The following PTPRM variants were observed in gnomAD, a reference collection of about 807,000 sequenced individuals.
PTPRM encodes the protein receptor-type tyrosine-protein phosphatase mu.
A neutral mutation model predicts 186.7 loss-of-function variants in PTPRM; 47 were observed. The ratio of observed to expected loss-of-function variants is 0.25; its 90% CI spans 0.20 to 0.32. The LOEUF (loss-of-function observed/expected upper bound fraction) is 0.32. Among genes scored for constraint, PTPRM ranks in the 10% least tolerant of loss-of-function variants. The pLI is 1.00. For missense variants in PTPRM, 1,494 were observed against 1,865.0 expected (o/e 0.80, Z 3.66); for synonymous variants, 668 against 674.9 (o/e 0.99, Z 0.16).
rs547706492 is a variant in PTPRM at position 8,085,885 on chromosome 18, C to T, written c.1753+13C>T. 2.2e-5 allele frequency: 36 copies of T among 1,605,296 alleles called. No individual in the cohort carries two copies. The East Asian group carries it at 2.7e-4, about 12-fold the overall frequency. ...ACCAAAATATCAGGTACTCTACATT[C>T]GTGAGTTGTGTCTTTTATCAGAAGT... On this transcript the variant is annotated intron_variant, in intron 10 of 32. Transcript: ENST00000580170.
intron 1 of PTPRM, among the ~76,000 whole-genome samples, chr18:7,714,082 C>T (rs1169798013): frequency 1.3e-5 from 2 of 152,158 alleles, no homozygotes; most frequent in African/African-American, 4.8e-5. Flanking sequence ...TTCTCAGCAC[C>T]ACGTTGCACT....
chr18:7,758,817 C>G (rs1419703874), intron 1 of PTPRM, among the ~76,000 whole-genome samples: 2 of 152,148 alleles, frequency 1.3e-5, no homozygotes, highest in Non-Finnish European at 2.9e-5. Context: ...TTGGTTTTTA[C>G]TCACTCCCAA....
intron 8 of PTPRM, among the ~76,000 whole-genome samples, chr18:8,075,985 T>C (rs1163891633): frequency 6.6e-6 from 1 of 152,170 alleles, no homozygotes; most frequent in Non-Finnish European, 1.5e-5. Flanking sequence ...TTGTGAACAT[T>C]TTTGTATATG....
At chr18:8,247,942 C>T in intron 16 of PTPRM, 23 bp downstream of exon 16, 1 of 1,528,456 alleles carries the variant, frequency 6.5e-7, no homozygotes, top group Non-Finnish European at 9.1e-7. Flanking sequence ...TCCATTGTCT[C>T]CTCTCTGCTC....
chr18:7,948,130 T>TACACACACACACAC lies in PTPRM; in HGVS notation c.664-1017_664-1004dup, dbSNP rs57918724. On this transcript the variant is annotated intron_variant, in intron 5 of 32. Transcript: ENST00000580170. Reference sequence around the variant, plus strand: ...GATAGCCTCTTTCCTGATTATAAAATACACACACACACACACACACACACA... The same window carrying TACACACACACACAC: ...GATAGCCTCTTTCCTGATTATAAAATACACACACACACACACACACACACACACACACACACACA... Among the ~76,000 whole-genome samples, 32 of 137,898 alleles carry TACACACACACACAC rather than the reference T, an allele frequency of 2.3e-4. 1 individual carries two copies. The highest frequency in any genetic ancestry group is 4.0e-4 in the Non-Finnish European group (26 of 64,330). 90.5% of individuals were successfully genotyped at this position (137,898 alleles called of 152,430 possible). A position where few individuals can be genotyped will look rare whatever the true frequency, so the allele number is the denominator to read the frequency against.
chr18:8,368,067 A>G (rs2095642859), intron 23 of PTPRM, among the ~76,000 whole-genome samples: 1 of 152,098 alleles, frequency 6.6e-6, no homozygotes, highest in Non-Finnish European at 1.5e-5. Flanking sequence ...TTATTCATCA[A>G]TAATTATTTT....
At chr18:7,769,988 G>T (rs977228852) in intron 1 of PTPRM, among the ~76,000 whole-genome samples, 1 of 152,204 alleles carries the variant, frequency 6.6e-6, no homozygotes, top group Non-Finnish European at 1.5e-5. Flanking sequence ...CTTGGGTTTA[G>T]TCGTGATTTA....
At chr18:7,661,496 C>A (rs2144387041) in intron 1 of PTPRM, among the ~76,000 whole-genome samples, 1 of 152,250 alleles carries the variant, frequency 6.6e-6, no homozygotes, top group South Asian at 2.1e-4. Context: ...AATGAATGTG[C>A]CAAGAAGAGG....
intron 2 of PTPRM, among the ~76,000 whole-genome samples, chr18:7,885,157 C>A (rs1599280964): frequency 1.3e-5 from 2 of 152,258 alleles, no homozygotes; most frequent in Admixed American, 1.3e-4. Flanking sequence ...GCCTCCACTT[C>A]TTCCCACTCT....
Position 8,242,065 on chromosome 18 carries a change from C to T in PTPRM, c.2301-1993C>T, listed in dbSNP as rs148133426. 2.8e-3 allele frequency among the ~76,000 whole-genome samples: 428 copies of T among 152,196 alleles called. 1 individual carries two copies. Among genetic ancestry groups the T allele is most frequent in the African/African-American group, 9.7e-3 (401 of 41,534 alleles). ...TGGCACATATATCCCTCCCAGCCAA[C>T]CACACAAGAAGCACAGTACCTGTCA... On this transcript the variant is annotated intron_variant, in intron 14 of 32. Coordinates refer to ENST00000580170, the MANE Select transcript of PTPRM (RefSeq NM_001105244.2).
chr18:8,129,179 T>G (rs2092444065), intron 13 of PTPRM, among the ~76,000 whole-genome samples: 1 of 152,202 alleles, frequency 6.6e-6, no homozygotes, highest in Admixed American at 6.5e-5. Context: ...TGAAAGATTT[T>G]ATATTGATAG....
chr18:7,687,453 A>G (rs2039629147), intron 1 of PTPRM, among the ~76,000 whole-genome samples: 1 of 152,106 alleles, frequency 6.6e-6, no homozygotes, highest in Admixed American at 6.5e-5. Context: ...TACACATTTA[A>G]TCTTATTTTG....
intron 7 of PTPRM, among the ~76,000 whole-genome samples, chr18:8,067,922 C>T (rs996036544): frequency 1.2e-4 from 18 of 152,136 alleles, no homozygotes; most frequent in African/African-American, 2.7e-4. Context: ...ATTGTACATT[C>T]TTTGGTCATG....
At chr18:7,926,543 T>C in intron 4 of PTPRM, 25 bp from the exon 5 acceptor site, 1 of 1,549,208 alleles carries the variant, frequency 6.5e-7, no homozygotes, top group Non-Finnish European at 8.8e-7. Context: ...ACTTTTAATA[T>C]CTTTCATTCT....
At chr18:8,277,690 G>A (rs1480601985) in intron 19 of PTPRM, among the ~76,000 whole-genome samples, 1 of 152,194 alleles carries the variant, frequency 6.6e-6, no homozygotes, top group Non-Finnish European at 1.5e-5. Context: ...GCTTGAAAAT[G>A]AGCAAGATTT....
At chr18:8,353,845 G>T (rs2148340868) in intron 23 of PTPRM, among the ~76,000 whole-genome samples, 1 of 152,290 alleles carries the variant, frequency 6.6e-6, no homozygotes, top group Admixed American at 6.5e-5. Flanking sequence ...CTGTGTGTTA[G>T]GCTTTGGCTG....
chr18:8,042,320 C>T (rs1024975461), intron 7 of PTPRM, among the ~76,000 whole-genome samples: 8 of 152,138 alleles, frequency 5.3e-5, no homozygotes, highest in Admixed American at 1.3e-4. Flanking sequence ...TGACTAAAAA[C>T]GTATTTATCT....
intron 20 of PTPRM, among the ~76,000 whole-genome samples, chr18:8,313,791 C>G (rs1020168145): frequency 3.3e-5 from 5 of 151,974 alleles, no homozygotes; most frequent in Non-Finnish European, 5.9e-5. Flanking sequence ...CATTCTTATG[C>G]CTTTGTGCCC....
chr18:8,269,377 A>G (rs1466510731), intron 19 of PTPRM, among the ~76,000 whole-genome samples: 1 of 152,014 alleles, frequency 6.6e-6, no homozygotes, highest in African/African-American at 2.4e-5. Flanking sequence ...AAACATTTAT[A>G]AAAGAAATTG....
Sources: allele counts gnomAD v4.1 joint callset (sites outside exome capture counted in the v4.1 genomes callset), GRCh38; gene constraint gnomAD v4.1.1; transcripts MANE v1.5; gene names NCBI Gene and HGNC (gene_info 2026-07-23, HGNC 2026-07-21).